CDH7: variants seen among roughly 807,000 people sequenced by gnomAD.
CDH7 encodes cadherin-7.
In CDH7, 25 loss-of-function variants were observed where a neutral mutation model predicts 71.8. That is an observed-to-expected ratio of 0.35 (90% CI 0.25 to 0.49). The LOEUF is 0.49. Among genes scored for constraint, CDH7 ranks in the 20% least tolerant of loss-of-function variants. The pLI, the probability that CDH7 is intolerant of heterozygous loss-of-function variation, is 0.99. For missense variants in CDH7, 862 were observed against 974.6 expected, an observed-to-expected ratio of 0.88 and a Z score of 1.54; for synonymous variants, 381 against 363.8, an observed-to-expected ratio of 1.05 and a Z score of -0.54.
chr18:65,837,419 A>G (rs111629725), intron 6 of CDH7, among the ~76,000 whole-genome samples: 2,789 of 152,108 alleles, frequency 0.018, 82 homozygotes, highest in African/African-American at 0.064. Flanking sequence ...TCATCATGAC[A>G]GGGGATAGTT....
At chr18:65,784,867 G>T (rs1910455279) in intron 2 of CDH7, among the ~76,000 whole-genome samples, 1 of 152,034 alleles carries the variant, frequency 6.6e-6, no homozygotes, top group Admixed American at 6.6e-5. Context: ...TCTTTTCTGT[G>T]TCTCCACATT....
chr18:65,874,379 A>T (rs1219467270), intron 11 of CDH7, among the ~76,000 whole-genome samples: 1 of 152,216 alleles, frequency 6.6e-6, no homozygotes, highest in East Asian at 1.9e-4. Flanking sequence ...ATGTTAAAAA[A>T]AATTAGTGGA....
chr18:65,782,606 T>G (rs1278267159), intron 2 of CDH7, among the ~76,000 whole-genome samples: 2 of 152,206 alleles, frequency 1.3e-5, no homozygotes, highest in Non-Finnish European at 2.9e-5. Context: ...AACACTGAAT[T>G]GGTGCATAGG....
chr18:65,762,676 C>A lies in CDH7; in HGVS notation c.-167C>A, dbSNP rs1916226666. 1.7e-6 allele frequency: 1 copy of A among 594,144 alleles called. No individual in the cohort carries two copies. The highest frequency in any genetic ancestry group is 3.0e-6 in the Non-Finnish European group (1 of 337,022). 36.8% of individuals were successfully genotyped at this position (594,144 alleles called of 1,614,324 possible). ...TTACTACACCATTCTTTGGCGAAGGCTATTCAGCAGTGGTGACCTCTTCCA... is the reference window on the plus strand; with the variant it reads ...TTACTACACCATTCTTTGGCGAAGGATATTCAGCAGTGGTGACCTCTTCCA... On this transcript the variant is annotated 5_prime_UTR_variant, in exon 2 of 12. Transcript: ENST00000397968.
intron 2 of CDH7, among the ~76,000 whole-genome samples, chr18:65,796,654 G>A (rs1036416732): frequency 2.5e-4 from 38 of 152,104 alleles, no homozygotes; most frequent in Non-Finnish European, 3.1e-4. Context: ...ACAAAGTACC[G>A]ATGGCCCCAG....
rs1297136960 is a variant in CDH7 at position 65,844,197 on chromosome 18, A to ATATATATATATATATATATAT, written c.1235+132_1235+133insTATATATATATATATATATAT. On this transcript the variant is annotated intron_variant, in intron 7 of 11. Coordinates refer to ENST00000397968, the MANE Select transcript of CDH7 (RefSeq NM_004361.5). The stretch of plus-strand genomic sequence containing the variant: ...CAGATATATATATATATCGAGTTAT[A>ATATATATATATATATATATAT]ACAGCAGAGGTAAAACAGCATTAGA... 1.8e-4 allele frequency: 44 copies of ATATATATATATATATATATAT among 241,972 alleles called. 1 individual carries two copies. The highest frequency in any genetic ancestry group is 4.2e-4 in the South Asian group (3 of 7,072). 15.0% of individuals were successfully genotyped at this position (241,972 alleles called of 1,614,324 possible). A position where few individuals can be genotyped will look rare whatever the true frequency, so the allele number is the denominator to read the frequency against.
In CDH7 at chr18:65,782,172, T is replaced by C. The variant is rs201525661; in HGVS notation, c.210+19120T>C. Reference sequence around the variant, plus strand: ...TTTCTTTCTTTCTTTCTTCCTTTCTTTCTTTCTTTCTTTCTTGACAGAGTC... The same window carrying C: ...TTTCTTTCTTTCTTTCTTCCTTTCTCTCTTTCTTTCTTTCTTGACAGAGTC... On this transcript the variant is annotated intron_variant, in intron 2 of 11. Transcript: ENST00000397968. 9.4e-5 allele frequency among the ~76,000 whole-genome samples: 6 copies of C among 63,706 alleles called. 1 individual carries two copies. The highest frequency in any genetic ancestry group is 5.3e-4 in the African/African-American group (5 of 9,364). The allele number at this position is 63,706 out of a possible 152,430, so 41.8% of individuals were successfully genotyped here. A position where few individuals can be genotyped will look rare whatever the true frequency, so the allele number is the denominator to read the frequency against.
At position 65,882,916 on chromosome 18, in the gene CDH7, T is replaced by C. The variant is rs554177364; in HGVS notation, c.*2022T>C. On this transcript the variant is annotated 3_prime_UTR_variant, in exon 12 of 12. Transcript: ENST00000397968. ...GAGAAAACAGTTTGTAATAATCCCCTTGTTGTCTGCAAGAAGATGAAATAG... is the reference window on the plus strand; with the variant it reads ...GAGAAAACAGTTTGTAATAATCCCCCTGTTGTCTGCAAGAAGATGAAATAG... 6.6e-6 allele frequency: 1 copy of C among 152,232 alleles called. No homozygotes were observed. Among genetic ancestry groups the C allele is most frequent in the Admixed American group, 6.5e-5 (1 of 15,300 alleles). 9.4% of individuals were successfully genotyped at this position (152,232 alleles called of 1,614,324 possible).
At chr18:65,857,110 T>A (rs550372766) in intron 7 of CDH7, among the ~76,000 whole-genome samples, 1 of 151,676 alleles carries the variant, frequency 6.6e-6, no homozygotes, top group Admixed American at 6.6e-5. Context: ...GATGTTTACA[T>A]GTTTCATTTT....
intron 2 of CDH7, among the ~76,000 whole-genome samples, chr18:65,793,052 T>C (rs534965119): frequency 1.2e-4 from 19 of 152,208 alleles, no homozygotes; most frequent in African/African-American, 4.3e-4. Flanking sequence ...TTAGTAATTA[T>C]CTCTTACAAC....
rs1273050027 is a variant in CDH7, at chr18:65,751,075, C to G, written c.-272C>G. 2 of 152,266 alleles carry G rather than the reference C, an allele frequency of 1.3e-5. No individual in the cohort carries two copies. Among genetic ancestry groups the G allele is most frequent in the Non-Finnish European group, 2.9e-5 (2 of 68,102 alleles). The allele number at this position is 152,266 out of a possible 1,614,324, so 9.4% of individuals were successfully genotyped here. A position where few individuals can be genotyped will look rare whatever the true frequency, so the allele number is the denominator to read the frequency against. On this transcript the variant is annotated 5_prime_UTR_variant, in exon 1 of 12. Coordinates refer to ENST00000397968, the MANE Select transcript of CDH7 (RefSeq NM_004361.5). Reference sequence around the variant, plus strand: ...CAAGAGCCCGCGGGCGTCCGGCAGCCGAGCGCACGTTCTTTCGGATGCACA... The same window carrying G: ...CAAGAGCCCGCGGGCGTCCGGCAGCGGAGCGCACGTTCTTTCGGATGCACA...
chr18:65,781,771 C>CTTTCTATCT lies in CDH7; in HGVS notation c.210+18721_210+18722insTCTATCTTT, dbSNP rs1568181257. On this transcript the variant is annotated intron_variant, in intron 2 of 11. Transcript: ENST00000397968. ...GTTGATTTCTTTCTTTCTTTCTTTC[C>CTTTCTATCT]TTCCTTCCTTCCTTCCTTCCTTCCT... 4.1e-4 allele frequency among the ~76,000 whole-genome samples: 16 copies of CTTTCTATCT among 39,098 alleles called. 2 individuals carry two copies. The highest frequency in any genetic ancestry group is 1.6e-3 in the African/African-American group (16 of 10,282). 25.6% of individuals were successfully genotyped at this position (39,098 alleles called of 152,430 possible).
intron 4 of CDH7, among the ~76,000 whole-genome samples, chr18:65,821,794 T>C (rs943408397): frequency 6.6e-6 from 1 of 152,178 alleles, no homozygotes; most frequent in Non-Finnish European, 1.5e-5. Flanking sequence ...AAGGCCATTT[T>C]ATTTATTTAT....
Position 65,885,382 on chromosome 18 carries a change from T to TTTTTTTTTTTTTTG in CDH7, c.*4489_*4502dup, listed in dbSNP as rs1599074845. On this transcript the variant is annotated 3_prime_UTR_variant, in exon 12 of 12. Coordinates refer to ENST00000397968, the MANE Select transcript of CDH7 (RefSeq NM_004361.5). Reference sequence around the variant, plus strand: ...AGGATGTGTGCCTGTGTTTTTTTTTTTTTTTTTTTTTTTGACGTGGAGTCT... The same window carrying TTTTTTTTTTTTTTG: ...AGGATGTGTGCCTGTGTTTTTTTTTTTTTTTTTTTTTTTGTTTTTTTTTTTTTGACGTGGAGTCT... 1 of 113,438 alleles carries TTTTTTTTTTTTTTG rather than the reference T, an allele frequency of 8.8e-6. No homozygotes were observed. Among genetic ancestry groups the TTTTTTTTTTTTTTG allele is most frequent in the Admixed American group, 9.6e-5 (1 of 10,452 alleles). 7.0% of individuals were successfully genotyped at this position (113,438 alleles called of 1,614,324 possible). A position where few individuals can be genotyped will look rare whatever the true frequency, so the allele number is the denominator to read the frequency against.
At position 65,853,348 on chromosome 18, in the gene CDH7, T is replaced by C. The variant is rs375012106; in HGVS notation, c.1236-4468T>C. Among the ~76,000 whole-genome samples the C allele has an allele frequency of 6.6e-5, 10 of 151,928 alleles. No individual in the cohort carries two copies. The East Asian group carries it at 2.0e-3, about 30-fold the overall frequency. The stretch of plus-strand genomic sequence containing the variant: ...CCAGTCAATCCACAACATCAAATAG[T>C]GTTTCCTTTCAGACTTCTTTTAGGG... On this transcript the variant is annotated intron_variant, in intron 7 of 11. Coordinates refer to ENST00000397968, the MANE Select transcript of CDH7 (RefSeq NM_004361.5).
At chr18:65,790,344 G>T (rs978718217) in intron 2 of CDH7, among the ~76,000 whole-genome samples, 3 of 151,854 alleles carry the variant, frequency 2.0e-5, no homozygotes, top group African/African-American at 7.3e-5. Flanking sequence ...CCTAGTTGAT[G>T]GTGAAGCATG....
At chr18:65,753,430 T>C (rs1363820508) in intron 1 of CDH7, among the ~76,000 whole-genome samples, 6 of 152,250 alleles carry the variant, frequency 3.9e-5, no homozygotes, top group South Asian at 2.1e-4. Context: ...ATTAATAGCT[T>C]GTATCACATC....
Position 65,778,529 on chromosome 18 carries a change from C to CTTTTTTTTTTT in CDH7, c.210+15487_210+15497dup, listed in dbSNP as rs1156727313. On this transcript the variant is annotated intron_variant, in intron 2 of 11. Coordinates refer to ENST00000397968, the MANE Select transcript of CDH7 (RefSeq NM_004361.5). ...AATTTTTTGCCCCAGGCGTCTCACT[C>CTTTTTTTTTTT]TTTTTTTTTTTTTTTTTTTTACATA... is the stretch of plus-strand genomic sequence containing the variant. 7.1e-3 allele frequency among the ~76,000 whole-genome samples: 600 copies of CTTTTTTTTTTT among 84,180 alleles called. 52 individuals carry two copies. Among genetic ancestry groups the CTTTTTTTTTTT allele is most frequent in the African/African-American group, 0.025 (563 of 22,506 alleles). The allele number at this position is 84,180 out of a possible 152,430, so 55.2% of individuals were successfully genotyped here.
chr18:65,807,051 A>G (rs1911351572), intron 2 of CDH7, among the ~76,000 whole-genome samples: 2 of 151,526 alleles, frequency 1.3e-5, no homozygotes, highest in Non-Finnish European at 2.9e-5. Context: ...GAAAATTGTC[A>G]GCGATGGGAA....
Sources: gnomAD v4.1 joint callset for allele counts (sites outside exome capture counted in the v4.1 genomes callset) on GRCh38, gnomAD v4.1.1 for gene constraint, MANE v1.5 for transcripts, NCBI Gene and HGNC (gene_info 2026-07-23, HGNC 2026-07-21) for gene names.